ITGBL1: variants seen among roughly 807,000 people sequenced by gnomAD.
ITGBL1 encodes integrin subunit beta like 1, also known as integrin beta-like protein 1.
A neutral mutation model predicts 68.5 loss-of-function variants in ITGBL1; 51 were observed. That is an observed-to-expected ratio of 0.74 (90% confidence interval 0.59 to 0.94). The LOEUF (loss-of-function observed/expected upper bound fraction) is 0.94. ITGBL1 is among the 40% of genes least tolerant of loss of function. ITGBL1 has a pLI of 0.00. For synonymous variants in ITGBL1, 209 were observed against 227.3 expected (o/e 0.92, Z 0.72); for missense variants, 649 against 647.4 (o/e 1.00, Z -0.03).
At chr13:101,671,437 G>T (rs12865583) in intron 7 of ITGBL1, among the ~76,000 whole-genome samples, 29,350 of 99,384 alleles carry the variant, frequency 0.3, 5,416 homozygotes, top group East Asian at 0.51. Context: ...TTTTTTTTTT[G>T]TTTTTTTTTG....
intron 2 of ITGBL1, among the ~76,000 whole-genome samples, chr13:101,559,792 T>C (rs1433786514): frequency 6.6e-6 from 1 of 152,226 alleles, no homozygotes; most frequent in African/African-American, 2.4e-5. Context: ...CACTGGCTCA[T>C]TATGAAAATC....
intron 7 of ITGBL1, among the ~76,000 whole-genome samples, chr13:101,658,551 C>T (rs2032994389): frequency 6.6e-6 from 1 of 152,016 alleles, no homozygotes; most frequent in South Asian, 2.1e-4. Flanking sequence ...AGTGCATATA[C>T]ATGCATGTGT....
rs184882124 is a variant in ITGBL1 at position 101,646,141 on chromosome 13, T to C, written c.1016-46444T>C. Reference sequence around the variant, plus strand: ...TTTTACCCTTCATTGTTTCTTTGCATCTGCAATGGCGTGAACTGCAAGCAC... The same window carrying C: ...TTTTACCCTTCATTGTTTCTTTGCACCTGCAATGGCGTGAACTGCAAGCAC... On this transcript the variant is annotated intron_variant, in intron 7 of 10. Transcript: ENST00000376180. 1.4e-3 allele frequency among the ~76,000 whole-genome samples: 212 copies of C among 152,360 alleles called. 1 individual carries two copies. The highest frequency in any genetic ancestry group is 4.5e-3 in the African/African-American group (188 of 41,592).
chr13:101,644,880 G>C (rs775257256), intron 7 of ITGBL1, among the ~76,000 whole-genome samples: 11 of 152,130 alleles, frequency 7.2e-5, no homozygotes, highest in Non-Finnish European at 1.3e-4. Context: ...AATACCTTAA[G>C]AACTAGATTC....
chr13:101,638,135 G>A (rs1172397269), intron 7 of ITGBL1, among the ~76,000 whole-genome samples: 2 of 152,144 alleles, frequency 1.3e-5, no homozygotes, highest in Non-Finnish European at 2.9e-5. Flanking sequence ...TAATGAAAGG[G>A]TACTTCTCAT....
At chr13:101,658,399 T>G (rs2032989835) in intron 7 of ITGBL1, among the ~76,000 whole-genome samples, 1 of 152,214 alleles carries the variant, frequency 6.6e-6, no homozygotes, top group South Asian at 2.1e-4. Flanking sequence ...CCTAAAGCTA[T>G]GTTTAATAAG....
chr13:101,474,337 G>A (rs1192305231), intron 2 of ITGBL1, among the ~76,000 whole-genome samples: 4 of 152,128 alleles, frequency 2.6e-5, no homozygotes, highest in African/African-American at 9.7e-5. Flanking sequence ...TTCTGACTGA[G>A]GAAAGGAGAG....
intron 2 of ITGBL1, among the ~76,000 whole-genome samples, chr13:101,564,815 T>G (rs1345045766): frequency 6.6e-6 from 1 of 151,314 alleles, no homozygotes; most frequent in East Asian, 1.9e-4. Flanking sequence ...ACTCTGCAAT[T>G]TCAATACAAA....
At chr13:101,466,903 A>C (rs1304257536) in intron 2 of ITGBL1, among the ~76,000 whole-genome samples, 3 of 152,186 alleles carry the variant, frequency 2.0e-5, no homozygotes, top group African/African-American at 7.2e-5. Context: ...TGCTGTAACA[A>C]GATACCCTAG....
chr13:101,596,881 C>T (rs906627059), intron 6 of ITGBL1, among the ~76,000 whole-genome samples: 7 of 151,894 alleles, frequency 4.6e-5, no homozygotes, highest in African/African-American at 1.5e-4. Context: ...TTATGGAGGA[C>T]AGTGAAAAGA....
chr13:101,554,614 C>T (rs1167982698), intron 2 of ITGBL1, among the ~76,000 whole-genome samples: 1 of 152,158 alleles, frequency 6.6e-6, no homozygotes, highest in East Asian at 1.9e-4. Context: ...CATGTGTGGC[C>T]TTAACAGCCA....
chr13:101,710,796 C>G (rs567872147), intron 9 of ITGBL1: 1 of 152,152 alleles, frequency 6.6e-6, no homozygotes, highest in African/African-American at 2.4e-5. Flanking sequence ...AAAGCTGTCA[C>G]CTCAGGAGAC....
Position 101,634,545 on chromosome 13 carries a change from A to T in ITGBL1, c.1015+36246A>T, listed in dbSNP as rs150205389. Among the ~76,000 whole-genome samples, 129 of 152,282 alleles carry T rather than the reference A, an allele frequency of 8.5e-4. 1 individual carries two copies. The highest frequency in any genetic ancestry group is 2.9e-3 in the African/African-American group (119 of 41,582). ...TGGGAAAGATTTCAATAAAGATGTT[A>T]TATAAAGAAAGTTTTGAGAATCCAC... On this transcript the variant is annotated intron_variant, in intron 7 of 10. Transcript: ENST00000376180.
chr13:101,676,810 A>C (rs1566786839), intron 7 of ITGBL1, among the ~76,000 whole-genome samples: 1 of 152,192 alleles, frequency 6.6e-6, no homozygotes, highest in Non-Finnish European at 1.5e-5. Context: ...TATTCGTATA[A>C]GATATTATTT....
At chr13:101,532,124 A>AT in intron 2 of ITGBL1, among the ~76,000 whole-genome samples, 1 of 152,012 alleles carries the variant, frequency 6.6e-6, no homozygotes, top group African/African-American at 2.4e-5. Context: ...TAAAGAACGA[A>AT]TTTTTTTCAA....
intron 2 of ITGBL1, among the ~76,000 whole-genome samples, chr13:101,550,952 G>C (rs1229974689): frequency 6.6e-6 from 1 of 152,200 alleles, no homozygotes; most frequent in African/African-American, 2.4e-5. Flanking sequence ...GTCATGTGAA[G>C]AATATCTTTA....
At chr13:101,579,238 T>C (rs746083947) in intron 4 of ITGBL1, 49 bp from the exon 5 acceptor site, 1 of 1,595,560 alleles carries the variant, frequency 6.3e-7, no homozygotes, top group Admixed American at 1.7e-5. Flanking sequence ...TAATTCTGCT[T>C]ATGAAAGTTG....
At chr13:101,609,544 G>A (rs1021209764) in intron 7 of ITGBL1, among the ~76,000 whole-genome samples, 1 of 152,054 alleles carries the variant, frequency 6.6e-6, no homozygotes, top group African/African-American at 2.4e-5. Context: ...TAGAAGAGAC[G>A]ATCTCATTCA....
chr13:101,558,315 C>T (rs373222605), intron 2 of ITGBL1, among the ~76,000 whole-genome samples: 18 of 151,870 alleles, frequency 1.2e-4, no homozygotes, highest in Admixed American at 3.9e-4. Context: ...ACTCCAGAAA[C>T]GGGGAGGGAG....
Sources: allele counts gnomAD v4.1 joint callset (sites outside exome capture counted in the v4.1 genomes callset), GRCh38; gene constraint gnomAD v4.1.1; transcripts MANE v1.5; gene names NCBI Gene and HGNC (gene_info 2026-07-23, HGNC 2026-07-21).